The following GALNT14 variants were observed in gnomAD, a reference collection of about 807,000 sequenced individuals.
GALNT14 encodes the protein polypeptide N-acetylgalactosaminyltransferase 14, also known as UDP-GalNAc:polypeptide N-acetylgalactosaminyltransferase 14.
GALNT14 carries 60 observed loss-of-function variants against 77.5 expected under a neutral mutation model. The observed-to-expected ratio is 0.77, with a 90% CI of 0.63 to 0.96. The LOEUF is 0.96. Ranked by LOEUF, GALNT14 falls within the 40% of genes least tolerant of loss-of-function variation. The pLI is 0.00. For synonymous variants in GALNT14, 280 were observed against 281.7 expected (o/e 0.99, Z 0.06); for missense variants, 710 against 731.0 (o/e 0.97, Z 0.33).
At chr2:31,061,029 T>G (rs182773183) in intron 1 of GALNT14, among the ~76,000 whole-genome samples, 75 of 152,340 alleles carry the variant, frequency 4.9e-4, no homozygotes, top group Admixed American at 2.5e-3. Context: ...TTTTTCATTG[T>G]TGGTGTTTCT....
the GALNT14 span, among the ~76,000 whole-genome samples, chr2:30,887,190 G>C: frequency 6.6e-6 from 1 of 152,134 alleles, no homozygotes; most frequent in African/African-American, 2.4e-5. Context: ...GAAAGTGTTT[G>C]TGCATGTATT....
At chr2:31,063,093 G>A (rs1674706426) in intron 1 of GALNT14, among the ~76,000 whole-genome samples, 1 of 152,146 alleles carries the variant, frequency 6.6e-6, no homozygotes, top group African/African-American at 2.4e-5. Flanking sequence ...TTTGGCTTTT[G>A]TTGCAATTGC....
At chr2:30,901,518 T>A in the GALNT14 span, among the ~76,000 whole-genome samples, 1 of 151,364 alleles carries the variant, frequency 6.6e-6, no homozygotes, top group Admixed American at 6.6e-5. Context: ...CATATATATA[T>A]AAATTCCCTT....
chr2:31,055,331 T>G (rs1257113671), intron 1 of GALNT14, among the ~76,000 whole-genome samples: 1 of 152,240 alleles, frequency 6.6e-6, no homozygotes, highest in Non-Finnish European at 1.5e-5. Context: ...GCATGGGCAC[T>G]TATCCCTTTG....
intron 11 of GALNT14, among the ~76,000 whole-genome samples, chr2:30,927,647 G>A (rs569479788): frequency 6.6e-6 from 1 of 152,326 alleles, no homozygotes; most frequent in East Asian, 1.9e-4. Context: ...GAAGTTAATG[G>A]GTTGGTTTGT....
chr2:31,005,204 C>A (rs1004955581), intron 1 of GALNT14, among the ~76,000 whole-genome samples: 1 of 152,192 alleles, frequency 6.6e-6, no homozygotes, highest in South Asian at 2.1e-4. Context: ...TTCAAGGGAT[C>A]CTTTGTTGTT....
chr2:31,109,321 T>C (rs530961282), intron 1 of GALNT14, among the ~76,000 whole-genome samples: 4 of 152,286 alleles, frequency 2.6e-5, no homozygotes, highest in South Asian at 2.1e-4. Context: ...TTCTCTGAAT[T>C]GCCCACCTTT....
At chr2:31,071,616 G>C (rs977468216) in intron 1 of GALNT14, among the ~76,000 whole-genome samples, 1 of 152,032 alleles carries the variant, frequency 6.6e-6, no homozygotes, top group East Asian at 1.9e-4. Flanking sequence ...CTCCTGCCCT[G>C]CCTGATGACC....
chr2:31,053,046 G>A (rs760952032), intron 1 of GALNT14, among the ~76,000 whole-genome samples: 5 of 152,076 alleles, frequency 3.3e-5, no homozygotes, highest in African/African-American at 9.7e-5. Flanking sequence ...CCTAAGCTGC[G>A]GCAGAAGGGG....
chr2:31,130,776 GTGTGTGTGCGCGCGCA>G (rs1391508021), intron 1 of GALNT14, among the ~76,000 whole-genome samples: 1 of 142,250 alleles, frequency 7.0e-6, no homozygotes, highest in African/African-American at 2.9e-5. Context: ...GTGTGTGTGT[GTGTGTGTGCGCGCGCA>G]CCTGTGTGTG....
chr2:30,963,047 G>T (rs1667788317), intron 3 of GALNT14, among the ~76,000 whole-genome samples: 1 of 152,124 alleles, frequency 6.6e-6, no homozygotes, highest in Admixed American at 6.6e-5. Flanking sequence ...TGCCTCTCAG[G>T]TCTCCATTTT....
chr2:30,965,987 A>G (rs1667981158), intron 3 of GALNT14, among the ~76,000 whole-genome samples: 1 of 152,170 alleles, frequency 6.6e-6, no homozygotes, highest in Admixed American at 6.5e-5. Flanking sequence ...GTTACCTAAC[A>G]CCACAGGCCT....
intron 1 of GALNT14, chr2:31,125,385 A>G: frequency 2.9e-6 from 2 of 690,946 alleles, no homozygotes; most frequent in Non-Finnish European, 2.5e-6. Flanking sequence ...CAGCCTTGAA[A>G]GAGCCCTTAT....
chr2:31,124,520 C>T (rs115082301), intron 1 of GALNT14, among the ~76,000 whole-genome samples: 1 of 152,182 alleles, frequency 6.6e-6, no homozygotes, highest in Non-Finnish European at 1.5e-5. Flanking sequence ...AACCTCAACT[C>T]CCTCACTGGT....
At chr2:31,033,925 C>G (rs538805949) in intron 1 of GALNT14, among the ~76,000 whole-genome samples, 1 of 152,182 alleles carries the variant, frequency 6.6e-6, no homozygotes, top group African/African-American at 2.4e-5. Flanking sequence ...TCACATTTAT[C>G]GAGCATTTGA....
intron 1 of GALNT14, among the ~76,000 whole-genome samples, chr2:31,062,346 A>C (rs981454416): frequency 6.6e-6 from 1 of 152,332 alleles, no homozygotes; most frequent in South Asian, 2.1e-4. Context: ...TTTACTGAGA[A>C]TGATGGTTTC....
Position 30,917,230 on chromosome 2 carries a change from C to A in GALNT14, c.1381-4888G>T, listed in dbSNP as rs986118791. Among the ~76,000 whole-genome samples, 6 of 152,160 alleles carry A rather than the reference C, an allele frequency of 3.9e-5. No individual in the cohort carries two copies. In the South Asian group the frequency reaches 1.2e-3, roughly 31 times the overall value. ...GCAGCGGCTCTCGACTCTCCCCACT[C>A]AGCGGACCTCTGGCAGTGTCTGCAG... On this transcript the variant is annotated intron_variant, in intron 13 of 14. Transcript: ENST00000349752.
At chr2:31,076,021 A>G (rs1040802771) in intron 1 of GALNT14, among the ~76,000 whole-genome samples, 1 of 152,186 alleles carries the variant, frequency 6.6e-6, no homozygotes, top group African/African-American at 2.4e-5. Context: ...GAATCAACCT[A>G]TCCGTCTACC....
At chr2:31,061,379 C>T (rs1363863702) in intron 1 of GALNT14, among the ~76,000 whole-genome samples, 1 of 152,060 alleles carries the variant, frequency 6.6e-6, no homozygotes, top group African/African-American at 2.4e-5. Context: ...GCATTCACCC[C>T]CTCTTCCTCT....
Sources: gnomAD v4.1 joint callset for allele counts (sites outside exome capture counted in the v4.1 genomes callset) on GRCh38, gnomAD v4.1.1 for gene constraint, MANE v1.5 for transcripts, NCBI Gene and HGNC (gene_info 2026-07-23, HGNC 2026-07-21) for gene names.